Variants in PAX7 observed in about 807,000 individuals in gnomAD.
PAX7 encodes the protein paired box 7, also known as paired box protein Pax-7.
PAX7 carries 18 observed loss-of-function variants against 50.7 expected under a neutral mutation model. The ratio of observed to expected loss-of-function variants is 0.36; its 90% confidence interval spans 0.25 to 0.53. The LOEUF is 0.53. PAX7 is among the 20% of genes least tolerant of loss of function. PAX7 has a pLI of 0.93. For missense variants in PAX7, 644 were observed against 702.9 expected (o/e 0.92, Z 0.95); for synonymous variants, 310 against 290.4 (o/e 1.07, Z -0.69).
At position 18,636,560 on chromosome 1, in the gene PAX7, C is replaced by A. The variant is rs1367695098; in HGVS notation, c.586+189C>A. ...GCCCCCTCGGTGCGCACCCCGGATGCCGGCTAGATGCGAAGCCCGCGCCTT... is the reference window on the plus strand; with the variant it reads ...GCCCCCTCGGTGCGCACCCCGGATGACGGCTAGATGCGAAGCCCGCGCCTT... On this transcript the variant is annotated intron_variant, in intron 4 of 8. Transcript: ENST00000420770. This position sits in a 1 kb window ranked among gnomAD's most constrained non-coding sequence, Gnocchi z 5.1. Among the ~76,000 whole-genome samples, 2 of 152,206 alleles carry A rather than the reference C, an allele frequency of 1.3e-5. No individual in the cohort carries two copies. The highest frequency in any genetic ancestry group is 4.8e-5 in the African/African-American group (2 of 41,452).
At position 18,735,295 on chromosome 1, in the gene PAX7, C is replaced by T. The variant is rs938723337; in HGVS notation, c.1156-337C>T. On this transcript the variant is annotated intron_variant, in intron 7 of 8. Transcript: ENST00000420770. The surrounding 1 kb of genome is among the most constrained non-coding windows in gnomAD (Gnocchi z 4.0). Reference sequence around the variant, plus strand: ...TCATTAGCCAGTTCGTTCATTCATGCATTCATTCATGCATTTATTCATTCA... The same window carrying T: ...TCATTAGCCAGTTCGTTCATTCATGTATTCATTCATGCATTTATTCATTCA... Among the ~76,000 whole-genome samples, 1 of 152,170 alleles carries T rather than the reference C, an allele frequency of 6.6e-6. No individual in the cohort carries two copies. Among genetic ancestry groups the T allele is most frequent in the African/African-American group, 2.4e-5 (1 of 41,426 alleles).
At chr1:18,659,117 C>A (rs181492691) in intron 4 of PAX7, among the ~76,000 whole-genome samples, 10 of 152,190 alleles carry the variant, frequency 6.6e-5, no homozygotes, top group Non-Finnish European at 1.0e-4. Flanking sequence ...ATGTGTGTGT[C>A]TGTGTGTGTA....
intron 4 of PAX7, among the ~76,000 whole-genome samples, chr1:18,648,466 C>T (rs898914851): frequency 1.3e-5 from 2 of 151,784 alleles, no homozygotes; most frequent in African/African-American, 4.8e-5. Context: ...CTCTGCCTCC[C>T]GAGTAGCTGG....
intron 4 of PAX7, among the ~76,000 whole-genome samples, chr1:18,638,827 C>A (rs1362564333): frequency 6.6e-6 from 1 of 152,144 alleles, no homozygotes; most frequent in Non-Finnish European, 1.5e-5. Flanking sequence ...CCCTGTGAAC[C>A]CCTCATCTCT....
At chr1:18,727,963 G>A (rs1242742306) in intron 7 of PAX7, among the ~76,000 whole-genome samples, 3 of 152,138 alleles carry the variant, frequency 2.0e-5, no homozygotes, top group Admixed American at 6.5e-5. Context: ...GCTGTCCACA[G>A]GGGGAAAGGA....
chr1:18,715,864 G>A (rs187412619), intron 7 of PAX7, among the ~76,000 whole-genome samples: 2 of 152,310 alleles, frequency 1.3e-5, no homozygotes, highest in East Asian at 1.9e-4. Context: ...GTGAGTTAGC[G>A]CAGGGCCGGG....
chr1:18,637,830 G>T (rs2088186610), intron 4 of PAX7, among the ~76,000 whole-genome samples: 1 of 152,266 alleles, frequency 6.6e-6, no homozygotes, highest in African/African-American at 2.4e-5. Context: ...GGGACAAAAG[G>T]GCGAGGGAAG....
At chr1:18,681,928 G>C (rs1446080593) in intron 4 of PAX7, among the ~76,000 whole-genome samples, 1 of 151,760 alleles carries the variant, frequency 6.6e-6, no homozygotes, top group Non-Finnish European at 1.5e-5. Context: ...TAGTAGAGAC[G>C]GGTTTCACCA....
chr1:18,675,686 C>A (rs2088813199), intron 4 of PAX7, among the ~76,000 whole-genome samples: 1 of 152,240 alleles, frequency 6.6e-6, no homozygotes, highest in Non-Finnish European at 1.5e-5. Context: ...TTGTAAACAG[C>A]TTTTGAAGTC....
Position 18,735,752 on chromosome 1 carries a change from C to G in PAX7, c.1276C>G (p.Arg426Gly), listed in dbSNP as rs769536224. Reference sequence around the variant, plus strand: ...CTCCATCTCAGCCAGCTGCAGCCAGCGGGCCGACTCCATCAAGCCAGGAGA... The same window carrying G: ...CTCCATCTCAGCCAGCTGCAGCCAGGGGGCCGACTCCATCAAGCCAGGAGA... Reference protein sequence around the residue: ...ATSISASCSQRADSIKPGDSL... With the variant: ...ATSISASCSQGADSIKPGDSL... The change falls in exon 8 of 9, where the codon CGG (arginine) becomes GGG (glycine). Residue 426 changes from arginine to glycine, a missense_variant. Arg to Gly is a moderately radical substitution (Grantham distance 125). Transcript: ENST00000420770. This position sits in a 1 kb window ranked among gnomAD's most constrained non-coding sequence, Gnocchi z 4.0. 5 of 1,614,030 alleles carry G rather than the reference C, an allele frequency of 3.1e-6. No homozygotes were observed. Among genetic ancestry groups the G allele is most frequent in the Middle Eastern group, 1.6e-4 (1 of 6,062 alleles).
chr1:18,641,698 A>G (rs2088258039), intron 4 of PAX7, among the ~76,000 whole-genome samples: 1 of 152,240 alleles, frequency 6.6e-6, no homozygotes, highest in Non-Finnish European at 1.5e-5. Context: ...GACATTGAAA[A>G]GACGAGGCTG....
chr1:18,702,776 T>C (rs905226550), intron 6 of PAX7, among the ~76,000 whole-genome samples: 1 of 151,962 alleles, frequency 6.6e-6, no homozygotes, highest in African/African-American at 2.4e-5. Flanking sequence ...ATTAACAGAG[T>C]CCCCATCAAG....
At chr1:18,663,218 T>A (rs1570139689) in intron 4 of PAX7, among the ~76,000 whole-genome samples, 1 of 152,226 alleles carries the variant, frequency 6.6e-6, no homozygotes, top group Non-Finnish European at 1.5e-5. Context: ...ACCTTCAACC[T>A]GATGGTAGCT....
intron 7 of PAX7, among the ~76,000 whole-genome samples, chr1:18,718,915 C>T (rs548098784): frequency 6.6e-6 from 1 of 152,292 alleles, no homozygotes; most frequent in Non-Finnish European, 1.5e-5. Context: ...GCTGGGATTA[C>T]AGGCATGAGC....
chr1:18,746,293 A>G lies in PAX7; in HGVS notation c.*1364A>G. 4.4e-6 allele frequency: 1 copy of G among 229,796 alleles called. No homozygotes were observed. Among genetic ancestry groups the G allele is most frequent in the East Asian group, 6.2e-5 (1 of 16,170 alleles). The allele number at this position is 229,796 out of a possible 1,614,324, so 14.2% of individuals were successfully genotyped here. The stretch of plus-strand genomic sequence containing the variant: ...GCTGAGGCAGATGTGACCAGTTTTC[A>G]AGCTACCAGCCCTGGGCAGAGGAAG... On this transcript the variant is annotated 3_prime_UTR_variant, in exon 9 of 9. Coordinates refer to ENST00000420770, the MANE Select transcript of PAX7 (RefSeq NM_001135254.2).
intron 4 of PAX7, among the ~76,000 whole-genome samples, chr1:18,687,440 G>C (rs968797807): frequency 6.6e-6 from 1 of 152,036 alleles, no homozygotes; most frequent in African/African-American, 2.4e-5. Flanking sequence ...GTCCCTTCCC[G>C]CCAATCCCTC....
intron 4 of PAX7, among the ~76,000 whole-genome samples, chr1:18,650,889 T>C (rs2088419495): frequency 6.6e-6 from 1 of 152,198 alleles, no homozygotes; most frequent in Admixed American, 6.5e-5. Flanking sequence ...GGTACCATGC[T>C]GGGAACAATG....
In PAX7 at chr1:18,747,920, G is replaced by C. The variant is rs1321719545; in HGVS notation, c.*2991G>C. On this transcript the variant is annotated 3_prime_UTR_variant, in exon 9 of 9. Coordinates refer to ENST00000420770, the MANE Select transcript of PAX7 (RefSeq NM_001135254.2). Reference sequence around the variant, plus strand: ...TGTGTGTTTCAAATTATGCATTCCAGGCTCTAGTGGGTTCTTTCAATCTTG... The same window carrying C: ...TGTGTGTTTCAAATTATGCATTCCACGCTCTAGTGGGTTCTTTCAATCTTG... 3 of 196,694 alleles carry C rather than the reference G, an allele frequency of 1.5e-5. No homozygotes were observed. In the East Asian group the frequency reaches 2.4e-4, roughly 16 times the overall value. The allele number at this position is 196,694 out of a possible 1,614,324, so 12.2% of individuals were successfully genotyped here.
rs1040707472 is a variant in PAX7, at chr1:18,746,896, T to A, written c.*1967T>A. 7 of 231,804 alleles carry A rather than the reference T, an allele frequency of 3.0e-5. No homozygotes were observed. The highest frequency in any genetic ancestry group is 6.0e-5 in the Non-Finnish European group (7 of 117,114). The allele number at this position is 231,804 out of a possible 1,614,324, so 14.4% of individuals were successfully genotyped here. On this transcript the variant is annotated 3_prime_UTR_variant, in exon 9 of 9. Transcript: ENST00000420770. ...TGGTTTAGAGAAACCTATGAATAAC[T>A]GGGGACAAACAGACTCTTTGGTAGC...
Sources: allele counts gnomAD v4.1 joint callset (sites outside exome capture counted in the v4.1 genomes callset), GRCh38; gene constraint gnomAD v4.1.1; non-coding constraint Gnocchi (gnomAD v3.1); transcripts MANE v1.5; gene names NCBI Gene and HGNC (gene_info 2026-07-23, HGNC 2026-07-21).